Variants in NAA16 observed in about 807,000 individuals in gnomAD.
The protein encoded by NAA16 is N-alpha-acetyltransferase 16, NatA auxiliary subunit.
NAA16 carries 97 observed loss-of-function variants against 110.3 expected under a neutral mutation model. The observed-to-expected ratio is 0.88, with a 90% CI of 0.75 to 1.04. NAA16 has a LOEUF of 1.04. Among genes scored for constraint, NAA16 ranks in the 50% least tolerant of loss-of-function variants. NAA16 has a pLI of 0.00. For synonymous variants in NAA16, 372 were observed against 330.6 expected (o/e 1.13, Z -1.36); for missense variants, 1,017 against 1,005.1 (o/e 1.01, Z -0.16).
Position 41,373,748 on chromosome 13 carries a change from G to T in NAA16, c.2267G>T (p.Arg756Leu). The T allele has an allele frequency of 6.2e-7, 1 of 1,610,174 alleles. No individual in the cohort carries two copies. Among genetic ancestry groups the T allele is most frequent in the Non-Finnish European group, 8.5e-7 (1 of 1,178,700 alleles). ...LESFNEDFLK[R>L]NATSLQHLLS... ...AGTTTTAATGAGGATTTTCTGAAAC[G>T]TAACGCTACCTCTCTTCAGCATCTA... is the stretch of plus-strand genomic sequence containing the variant. The change falls in exon 18 of 20, where the codon CGT (arginine) becomes CTT (leucine). Residue 756 changes from arginine (R) to leucine (L), a missense_variant. Arg to Leu is a moderately radical substitution (Grantham distance 102). Transcript: ENST00000379406.
intron 5 of NAA16, among the ~76,000 whole-genome samples, chr13:41,323,932 C>T (rs1593422174): frequency 6.6e-6 from 1 of 152,150 alleles, no homozygotes; most frequent in African/African-American, 2.4e-5. Flanking sequence ...ATAATCTTGA[C>T]CCTGTCTGGA....
chr13:41,325,213 C>T (rs1172941037), intron 5 of NAA16, among the ~76,000 whole-genome samples: 1 of 152,020 alleles, frequency 6.6e-6, no homozygotes, highest in Non-Finnish European at 1.5e-5. Context: ...CCTCAGCCTC[C>T]CAAAGACCTG....
chr13:41,312,405 G>C (rs984729463), intron 1 of NAA16, among the ~76,000 whole-genome samples: 1 of 152,188 alleles, frequency 6.6e-6, no homozygotes, highest in South Asian at 2.1e-4. Context: ...TCTGTGGGCT[G>C]TGTGCCAGCG....
intron 9 of NAA16, among the ~76,000 whole-genome samples, chr13:41,337,955 T>TAA (rs569086011): frequency 2.0e-5 from 3 of 151,904 alleles, no homozygotes; most frequent in African/African-American, 7.3e-5. Context: ...TCATTTATGT[T>TAA]AAAAAAAACA....
intron 1 of NAA16, among the ~76,000 whole-genome samples, chr13:41,315,011 A>G (rs1244005998): frequency 6.6e-6 from 1 of 152,126 alleles, no homozygotes; most frequent in East Asian, 1.9e-4. Context: ...AATAAGAAAG[A>G]TAGGTGAGAT....
intron 1 of NAA16, 123 bp downstream of exon 1, chr13:41,311,705 T>C (rs2041577410): frequency 1.1e-6 from 1 of 901,124 alleles, no homozygotes; most frequent in Non-Finnish European, 1.7e-6. Flanking sequence ...GCTCTTTGTT[T>C]ACCTCGGAGG....
At position 41,311,360 on chromosome 13, in the gene NAA16, AC is replaced by A. The variant is rs917388667; in HGVS notation, c.-166del. 3.2e-6 allele frequency: 2 copies of A among 627,372 alleles called. No individual in the cohort carries two copies. The highest frequency in any genetic ancestry group is 3.8e-5 in the African/African-American group (2 of 52,494). The allele number at this position is 627,372 out of a possible 1,614,324, so 38.9% of individuals were successfully genotyped here. ...CAGACCGCCTTCCTTCTCCATTGCC[AC>A]CCGTGCCGAACAGCCAGGCTGCCCA... On this transcript the variant is annotated 5_prime_UTR_variant, in exon 1 of 20. Coordinates refer to ENST00000379406, the MANE Select transcript of NAA16 (RefSeq NM_024561.5).
Position 41,311,451 on chromosome 13 carries a change from C to T in NAA16, c.-78C>T. ...GCCCGACTCTCAGCAGCGGTTCGTC[C>T]CGGTGCCCACCCCCGCGAAGCGGAG... On this transcript the variant is annotated 5_prime_UTR_variant, in exon 1 of 20. Transcript: ENST00000379406. 3 of 1,415,584 alleles carry T rather than the reference C, an allele frequency of 2.1e-6. No homozygotes were observed. Among genetic ancestry groups the T allele is most frequent in the Non-Finnish European group, 2.9e-6 (3 of 1,025,872 alleles). 87.7% of individuals were successfully genotyped at this position (1,415,584 alleles called of 1,614,324 possible). A position where few individuals can be genotyped will look rare whatever the true frequency, so the allele number is the denominator to read the frequency against.
intron 19 of NAA16, among the ~76,000 whole-genome samples, 173 bp downstream of exon 19, chr13:41,375,012 T>C (rs2043401292): frequency 6.6e-6 from 1 of 152,228 alleles, no homozygotes; most frequent in East Asian, 1.9e-4. Context: ...TTCTTTTTCC[T>C]CATTTTTAAG....
rs764614210 is a variant in NAA16 at position 41,331,272 on chromosome 13, A to G, written c.812-2A>G. Reference sequence around the variant, plus strand: ...AATCTCACCCATATTTACTGATAATAGGCACTTTAGAAGAGAGGCTTCAAA... The same window carrying G: ...AATCTCACCCATATTTACTGATAATGGGCACTTTAGAAGAGAGGCTTCAAA... On this transcript the variant is annotated splice_acceptor_variant, in intron 7 of 19. Transcript: ENST00000379406. LOFTEE classifies it high-confidence loss of function. 6.3e-7 allele frequency: 1 copy of G among 1,592,092 alleles called. No individual in the cohort carries two copies. Among genetic ancestry groups the G allele is most frequent in the Non-Finnish European group, 8.6e-7 (1 of 1,163,750 alleles).
chr13:41,312,074 TC>T (rs940906637), intron 1 of NAA16, among the ~76,000 whole-genome samples: 6 of 152,250 alleles, frequency 3.9e-5, no homozygotes, highest in Non-Finnish European at 8.8e-5. Flanking sequence ...GTGGAATTTT[TC>T]CTGGTTACGA....
chr13:41,364,838 C>G (rs541840000), intron 13 of NAA16, among the ~76,000 whole-genome samples: 46 of 152,118 alleles, frequency 3.0e-4, no homozygotes, highest in African/African-American at 1.1e-3. Context: ...CCTAGTTGAC[C>G]TAGTTATTAT....
intron 5 of NAA16, among the ~76,000 whole-genome samples, chr13:41,324,363 CTTTTTTTTTTTTTTTTTTT>C (rs71086562): frequency 3.0e-5 from 2 of 66,060 alleles, no homozygotes; most frequent in Non-Finnish European, 5.4e-5. Flanking sequence ...TTCTTTCTTT[CTTTTTTTTTTTTTTTTTTT>C]TTTTTTTTTT....
intron 5 of NAA16, among the ~76,000 whole-genome samples, chr13:41,323,685 ATGT>A (rs538714446): frequency 2.2e-3 from 329 of 147,042 alleles, no homozygotes; most frequent in African/African-American, 7.9e-3. Context: ...GGGTCTTGCG[ATGT>A]TGTCCAGGCT....
intron 6 of NAA16, among the ~76,000 whole-genome samples, chr13:41,326,102 T>C (rs1187966105): frequency 1.3e-5 from 2 of 152,212 alleles, no homozygotes; most frequent in Non-Finnish European, 2.9e-5. Flanking sequence ...TGGAGAGTGC[T>C]GGATTTGAAT....
chr13:41,331,654 G>C (rs1165808369), intron 8 of NAA16, among the ~76,000 whole-genome samples: 2 of 152,054 alleles, frequency 1.3e-5, no homozygotes, highest in South Asian at 2.1e-4. Flanking sequence ...AGGGGAGTGT[G>C]GGGGAGAGAT....
intron 4 of NAA16, 74 bp from the exon 5 acceptor site, chr13:41,322,982 G>A (rs970403425): frequency 2.3e-6 from 3 of 1,306,616 alleles, no homozygotes; most frequent in African/African-American, 1.5e-5. Context: ...ATGTGTTAAA[G>A]GTTAGATTGT....
intron 9 of NAA16, among the ~76,000 whole-genome samples, chr13:41,353,527 G>C (rs1179097095): frequency 2.0e-5 from 3 of 151,728 alleles, no homozygotes; most frequent in Non-Finnish European, 4.4e-5. Flanking sequence ...CACTTTGGTA[G>C]GTGGAGGCGG....
chr13:41,319,431 G>T (rs1660826221), intron 3 of NAA16, among the ~76,000 whole-genome samples: 1 of 152,098 alleles, frequency 6.6e-6, no homozygotes, highest in African/African-American at 2.4e-5. Flanking sequence ...CTTGGTTTCT[G>T]TTAACACAGA....
Sources: gnomAD v4.1 joint callset for allele counts (sites outside exome capture counted in the v4.1 genomes callset) on GRCh38, gnomAD v4.1.1 for gene constraint, MANE v1.5 for transcripts, NCBI Gene and HGNC (gene_info 2026-07-23, HGNC 2026-07-21) for gene names.